The following OR51G2 variants were observed in gnomAD, a reference collection of about 807,000 sequenced individuals.
The protein encoded by OR51G2 is olfactory receptor family 51 subfamily G member 2.
OR51G2 carries 13 observed loss-of-function variants against 11.8 expected under a neutral mutation model. The ratio of observed to expected loss-of-function variants is 1.10; its 90% CI spans 0.72 to 1.76. The LOEUF (loss-of-function observed/expected upper bound fraction) is 1.76. Among genes scored for constraint, OR51G2 ranks in the 40% most tolerant of loss-of-function variants. The pLI is 0.00. For synonymous variants in OR51G2, 178 were observed against 151.9 expected, an observed-to-expected ratio of 1.17 and a Z score of -1.26; for missense variants, 474 against 394.4, an observed-to-expected ratio of 1.20 and a Z score of -1.71.
Position 4,914,764 on chromosome 11 carries a change from C to T in OR51G2, c.900G>A (p.Lys300=), listed in dbSNP as rs148865672. 6.2e-7 allele frequency: 1 copy of T among 1,613,968 alleles called. No individual in the cohort carries two copies. Among genetic ancestry groups the T allele is most frequent in the Non-Finnish European group, 8.5e-7 (1 of 1,179,976 alleles). ...TCACTCGATCCCGGATCTGTTTGGT[C>T]TTCACACTGTAGACAATGGGATTCA... is the stretch of plus-strand genomic sequence containing the variant. ...PVMNPIVYSV[K]TKQIRDRVTH... The change falls in exon 2 of 2, where the codon AAG becomes AAA. Residue 300 remains lysine (K), a synonymous_variant. Transcript: ENST00000641926.
rs964298553 is a variant in OR51G2 at position 4,914,899 on chromosome 11, G to C, written c.765C>G (p.Leu255=). The change falls in exon 2 of 2, where the codon CTC becomes CTG. Residue 255 remains leucine (L), a synonymous_variant. Coordinates refer to ENST00000641926, the MANE Select transcript of OR51G2 (RefSeq NM_001005238.2). ...TCVSHICAVL[L]FYTPMIGLSV... ...AGAGGCCAATCATGGGAGTGTAGAA[G>C]AGCAGCACAGCACAGATGTGGGAAA... The C allele has an allele frequency of 1.2e-6, 2 of 1,614,032 alleles. No homozygotes were observed. The highest frequency in any genetic ancestry group is 2.7e-5 in the African/African-American group (2 of 74,912).
At chr11:4,917,495 T>G (rs769963274) in intron 1 of OR51G2, among the ~76,000 whole-genome samples, 5 of 152,186 alleles carry the variant, frequency 3.3e-5, no homozygotes, top group Admixed American at 3.3e-4. Context: ...ATAAACTGAT[T>G]GGAGAAACAC....
intron 1 of OR51G2, among the ~76,000 whole-genome samples, chr11:4,918,616 C>A (rs2133578427): frequency 6.6e-6 from 1 of 152,252 alleles, no homozygotes; most frequent in African/African-American, 2.4e-5. Flanking sequence ...TCGCAGAACC[C>A]ATTAGCAGTT....
rs1851030739 is a variant in OR51G2 at position 4,913,882 on chromosome 11, C to T, written c.*837G>A. 6.6e-6 allele frequency: 1 copy of T among 152,176 alleles called. No individual in the cohort carries two copies. Among genetic ancestry groups the T allele is most frequent in the Non-Finnish European group, 1.5e-5 (1 of 68,038 alleles). The allele number at this position is 152,176 out of a possible 1,614,324, so 9.4% of individuals were successfully genotyped here. A position where few individuals can be genotyped will look rare whatever the true frequency, so the allele number is the denominator to read the frequency against. ...GCCTACATTTCCCTTAAGGCTATTA[C>T]TGTGTCAACTCAGGGAAAACTTTTC... On this transcript the variant is annotated 3_prime_UTR_variant, in exon 2 of 2. Transcript: ENST00000641926.
chr11:4,913,467 T>C lies in OR51G2; in HGVS notation c.*1252A>G, dbSNP rs150142325. 1.6e-4 allele frequency: 24 copies of C among 152,318 alleles called. 1 individual carries two copies. The highest frequency in any genetic ancestry group is 5.5e-4 in the African/African-American group (23 of 41,574). 9.4% of individuals were successfully genotyped at this position (152,318 alleles called of 1,614,324 possible). ...CGAAGCTCCCCTTGGCAATATCACA[T>C]TCAAGCTTGCTTTCCTCACAGTTAC... On this transcript the variant is annotated 3_prime_UTR_variant, in exon 2 of 2. Coordinates refer to ENST00000641926, the MANE Select transcript of OR51G2 (RefSeq NM_001005238.2).
chr11:4,918,357 CT>C (rs895599067), intron 1 of OR51G2, among the ~76,000 whole-genome samples: 4 of 152,062 alleles, frequency 2.6e-5, no homozygotes, highest in African/African-American at 9.7e-5. Flanking sequence ...TGGATCACAT[CT>C]TTTTTTCCTA....
Position 4,914,880 on chromosome 11 carries a change from C to T in OR51G2, c.784G>A (p.Gly262Ser), listed in dbSNP as rs766570358. ...AVLLFYTPMI[G>S]LSVIHRFGKQ... Reference sequence around the variant, plus strand: ...CCAAAGCGATGGATGACAGAGAGGCCAATCATGGGAGTGTAGAAGAGCAGC... The same window carrying T: ...CCAAAGCGATGGATGACAGAGAGGCTAATCATGGGAGTGTAGAAGAGCAGC... The change falls in exon 2 of 2, where the codon GGC becomes AGC. Residue 262 changes from glycine to serine, a missense_variant. Transcript: ENST00000641926. 1 of 1,613,972 alleles carries T rather than the reference C, an allele frequency of 6.2e-7. No homozygotes were observed. Among genetic ancestry groups the T allele is most frequent in the Non-Finnish European group, 8.5e-7 (1 of 1,179,996 alleles).
chr11:4,915,765 A>G, intron 1 of OR51G2, 26 bp from the exon 2 acceptor site: 1 of 698,376 alleles, frequency 1.4e-6, no homozygotes, highest in Non-Finnish European at 2.4e-6. Flanking sequence ...GAAAAAAAAT[A>G]GAATCAAATA....
Position 4,915,261 on chromosome 11 carries a change from AG to A in OR51G2, c.402del (p.Leu135CysfsTer24). 1.2e-6 allele frequency: 2 copies of A among 1,614,054 alleles called. No homozygotes were observed. Among genetic ancestry groups the A allele is most frequent in the Non-Finnish European group, 1.7e-6 (2 of 1,180,016 alleles). The stretch of plus-strand genomic sequence containing the variant: ...TTGGTGAGAATGGAAACATAGTGCA[AG>A]GGGTGGCAGATAGCCACAAAGCGGT... ...AFDRFVAICHPLHYVSILTNT... is the reference protein window; with the variant it reads ...AFDRFVAICHXLHYVSILTNT... On this transcript the variant is annotated frameshift_variant, in exon 2 of 2. Coordinates refer to ENST00000641926, the MANE Select transcript of OR51G2 (RefSeq NM_001005238.2). LOFTEE classifies it high-confidence loss of function.
rs1034501064 is a variant in OR51G2, at chr11:4,914,170, C to T, written c.*549G>A. The T allele has an allele frequency of 1.3e-5, 2 of 152,542 alleles. No individual in the cohort carries two copies. The highest frequency in any genetic ancestry group is 4.8e-5 in the African/African-American group (2 of 41,432). 9.4% of individuals were successfully genotyped at this position (152,542 alleles called of 1,614,324 possible). ...TACTCATTGGTGGTTAACACTGACT[C>T]AGCTAAGGTCTCAGCCTTAGCTGAG... On this transcript the variant is annotated 3_prime_UTR_variant, in exon 2 of 2. Coordinates refer to ENST00000641926, the MANE Select transcript of OR51G2 (RefSeq NM_001005238.2).
Position 4,915,467 on chromosome 11 carries a change from A to G in OR51G2, c.197T>C (p.Leu66Pro). 1 of 1,614,186 alleles carries G rather than the reference A, an allele frequency of 6.2e-7. No individual in the cohort carries two copies. The highest frequency in any genetic ancestry group is 1.3e-5 in the African/African-American group (1 of 75,064). The change falls in exon 2 of 2, where the codon CTC becomes CCC. Residue 66 changes from leucine (L) to proline (P), a missense_variant. Coordinates refer to ENST00000641926, the MANE Select transcript of OR51G2 (RefSeq NM_001005238.2). The stretch of plus-strand genomic sequence containing the variant: ...AATCAGAGCCAGCATGGACAGGAAG[A>G]GATACATAGGTTCATGAAGTGAGCG... ...TERSLHEPMY[L>P]FLSMLALIDL...
Position 4,915,413 on chromosome 11 carries a change from G to A in OR51G2, c.251C>T (p.Pro84Leu), listed in dbSNP as rs867451445. ...AACCCAAAAGATGCCCAGGACTGTA[G>A]GGAGAGTGCAAAGGGAGAGACCCAG... ...IDLGLSLCTL[P>L]TVLGIFWVGA... Residue 84 changes from proline (P) to leucine (L), a missense_variant, in exon 2 of 2, where the codon CCT (proline) becomes CTT (leucine). By Grantham distance (98) the Pro-to-Leu change is moderately conservative. Transcript: ENST00000641926. The A allele has an allele frequency of 1.2e-6, 2 of 1,613,964 alleles. No individual in the cohort carries two copies. Among genetic ancestry groups the A allele is most frequent in the East Asian group, 4.5e-5 (2 of 44,840 alleles).
In OR51G2 at chr11:4,915,062, C is replaced by A; in HGVS notation, c.602G>T (p.Ser201Ile). 6.2e-7 allele frequency: 1 copy of A among 1,614,016 alleles called. No homozygotes were observed. The highest frequency in any genetic ancestry group is 1.1e-5 in the South Asian group (1 of 91,076). The change falls in exon 2 of 2, where the codon AGC (serine) becomes ATC (isoleucine). Residue 201 changes from serine to isoleucine, a missense_variant. By Grantham distance (142) the Ser-to-Ile change is moderately radical. Coordinates refer to ENST00000641926, the MANE Select transcript of OR51G2 (RefSeq NM_001005238.2). The part of the protein sequence containing the change: ...KLACADMKAN[S>I]IYGMFVIVST... The stretch of plus-strand genomic sequence containing the variant: ...GACGATGACAAACATGCCGTAGATG[C>A]TGTTGGCCTTCATGTCGGCACAGGC...
Position 4,914,492 on chromosome 11 carries a change from A to G in OR51G2, c.*227T>C. 1 of 498,244 alleles carries G rather than the reference A, an allele frequency of 2.0e-6. No individual in the cohort carries two copies. The highest frequency in any genetic ancestry group is 3.6e-6 in the Non-Finnish European group (1 of 279,986). 30.9% of individuals were successfully genotyped at this position (498,244 alleles called of 1,614,324 possible). ...TGGAAGAGCATGTGGGTTTAGAATT[A>G]TTGCTGTGGCTATTTTTAGAAAATA... On this transcript the variant is annotated 3_prime_UTR_variant, in exon 2 of 2. Coordinates refer to ENST00000641926, the MANE Select transcript of OR51G2 (RefSeq NM_001005238.2).
Position 4,912,907 on chromosome 11 carries a change from G to A in OR51G2, c.*1812C>T, listed in dbSNP as rs1654948248. 1 of 151,556 alleles carries A rather than the reference G, an allele frequency of 6.6e-6. No individual in the cohort carries two copies. Among genetic ancestry groups the A allele is most frequent in the Non-Finnish European group, 1.5e-5 (1 of 67,944 alleles). 9.4% of individuals were successfully genotyped at this position (151,556 alleles called of 1,614,324 possible). A position where few individuals can be genotyped will look rare whatever the true frequency, so the allele number is the denominator to read the frequency against. ...ACAAAAACCTCAGGACTATCATGTT[G>A]TCTAGCCTGGAATGTTAAACATACT... On this transcript the variant is annotated 3_prime_UTR_variant, in exon 2 of 2. Coordinates refer to ENST00000641926, the MANE Select transcript of OR51G2 (RefSeq NM_001005238.2).
chr11:4,918,189 G>A (rs914005092), intron 1 of OR51G2, among the ~76,000 whole-genome samples: 1 of 152,052 alleles, frequency 6.6e-6, no homozygotes, highest in African/African-American at 2.4e-5. Context: ...GCCAGTCAGT[G>A]CCGGAGCTGG....
rs748096881 is a variant in OR51G2, at chr11:4,912,916, G to A, written c.*1803C>T. 1.4e-4 allele frequency: 21 copies of A among 151,462 alleles called. No homozygotes were observed. Among genetic ancestry groups the A allele is most frequent in the Non-Finnish European group, 2.8e-4 (19 of 67,944 alleles). 9.4% of individuals were successfully genotyped at this position (151,462 alleles called of 1,614,324 possible). The stretch of plus-strand genomic sequence containing the variant: ...TCAGGACTATCATGTTGTCTAGCCT[G>A]GAATGTTAAACATACTCTTTCAAAT... On this transcript the variant is annotated 3_prime_UTR_variant, in exon 2 of 2. Coordinates refer to ENST00000641926, the MANE Select transcript of OR51G2 (RefSeq NM_001005238.2).
Position 4,915,191 on chromosome 11 carries a change from A to G in OR51G2, c.473T>C (p.Val158Ala), listed in dbSNP as rs774622379. ...AAAAGGTAATGGAAAAATGAGTGCTACACTACGACCCAGAGAGACCAGGCC... is the reference window on the plus strand; with the variant it reads ...AAAAGGTAATGGAAAAATGAGTGCTGCACTACGACCCAGAGAGACCAGGCC... ...RIGLVSLGRS[V>A]ALIFPLPFML... is the part of the protein sequence containing the mutation. The change falls in exon 2 of 2, where the codon GTA becomes GCA. Residue 158 changes from valine (V) to alanine (A), a missense_variant. Val to Ala is a moderately conservative substitution (Grantham distance 64). Coordinates refer to ENST00000641926, the MANE Select transcript of OR51G2 (RefSeq NM_001005238.2). 1.9e-6 allele frequency: 3 copies of G among 1,613,950 alleles called. No homozygotes were observed. The African/African-American group carries it at 4.0e-5, about 22-fold the overall frequency.
intron 1 of OR51G2, among the ~76,000 whole-genome samples, chr11:4,917,150 T>A (rs1249220334): frequency 1.7e-5 from 1 of 59,062 alleles, no homozygotes; most frequent in East Asian, 1.3e-3. Context: ...ATGCCAAGAA[T>A]GTTTTTTTGC....
Sources: gnomAD v4.1 joint callset for allele counts (sites outside exome capture counted in the v4.1 genomes callset) on GRCh38, gnomAD v4.1.1 for gene constraint, MANE v1.5 for transcripts, NCBI Gene and HGNC (gene_info 2026-07-23, HGNC 2026-07-21) for gene names.